The following ANTXRL variants were observed in gnomAD, a reference collection of about 807,000 sequenced individuals.
ANTXRL encodes the protein anthrax toxin receptor-like.
A neutral mutation model predicts 75.4 loss-of-function variants in ANTXRL; 63 were observed. The observed-to-expected ratio is 0.84, with a 90% CI of 0.68 to 1.03. The LOEUF (loss-of-function observed/expected upper bound fraction) is 1.03. Among genes scored for constraint, ANTXRL ranks in the 50% least tolerant of loss-of-function variants. The pLI is 0.00. For missense variants in ANTXRL, 797 were observed against 789.4 expected, an observed-to-expected ratio of 1.01 and a Z score of -0.12; for synonymous variants, 335 against 291.3, an observed-to-expected ratio of 1.15 and a Z score of -1.53.
At position 46,316,520 on chromosome 10, in the gene ANTXRL, G is replaced by A. The variant is rs537175955; in HGVS notation, c.1410+3204G>A. ...TCCTGCAAGGTAGTCACTACTGTCT[G>A]CATTTCAGAGCTGTGGACACCGAAG... On this transcript the variant is annotated intron_variant, in intron 16 of 16. Transcript: ENST00000620264. 8.7e-4 allele frequency among the ~76,000 whole-genome samples: 133 copies of A among 152,156 alleles called. 1 individual carries two copies. In the Middle Eastern group the frequency reaches 0.01, roughly 12 times the overall value.
Position 46,309,181 on chromosome 10 carries a change from C to A in ANTXRL, c.1113C>A (p.Val371=). 6.5e-7 allele frequency: 1 copy of A among 1,529,302 alleles called. No homozygotes were observed. 94.7% of individuals were successfully genotyped at this position (1,529,302 alleles called of 1,614,324 possible). Residue 371 remains valine, a synonymous_variant, in exon 13 of 17, where the codon GTC becomes GTA. Coordinates refer to ENST00000620264, the MANE Select transcript of ANTXRL (RefSeq NM_001278688.3). ...LLLVPLLLCC[V]WRLCRKQTVK... Reference sequence around the variant, plus strand: ...TTGTGCCACTGCTGCTGTGTTGTGTCTGGCGGCTGTGCCGCAAGCAGGCAA... The same window carrying A: ...TTGTGCCACTGCTGCTGTGTTGTGTATGGCGGCTGTGCCGCAAGCAGGCAA...
Position 46,287,013 on chromosome 10 carries a change from G to A in ANTXRL, c.-250G>A. On this transcript the variant is annotated 5_prime_UTR_variant, in exon 1 of 17. Coordinates refer to ENST00000620264, the MANE Select transcript of ANTXRL (RefSeq NM_001278688.3). ...CCTGTCAACCATAACAGAGAATTCT[G>A]TCCCCAGGGTGGGGGAAGGGCCAGG... 1 of 561,038 alleles carries A rather than the reference G, an allele frequency of 1.8e-6. No homozygotes were observed. Among genetic ancestry groups the A allele is most frequent in the East Asian group, 3.0e-5 (1 of 32,930 alleles). The allele number at this position is 561,038 out of a possible 1,614,324, so 34.8% of individuals were successfully genotyped here. A position where few individuals can be genotyped will look rare whatever the true frequency, so the allele number is the denominator to read the frequency against.
intron 9 of ANTXRL, among the ~76,000 whole-genome samples, chr10:46,298,772 T>C (rs1249059058): frequency 8.0e-5 from 12 of 149,932 alleles, no homozygotes; most frequent in African/African-American, 1.2e-4. Context: ...TTGCTATTTA[T>C]GTGTGTGTGT....
chr10:46,295,657 C>T (rs1435487147), intron 3 of ANTXRL, among the ~76,000 whole-genome samples: 12 of 147,758 alleles, frequency 8.1e-5, no homozygotes, highest in Non-Finnish European at 1.5e-4. Flanking sequence ...GGCTGACTCT[C>T]AGTTGCCCAT....
intron 2 of ANTXRL, among the ~76,000 whole-genome samples, chr10:46,292,632 GGAGGGCTGGGA>G (rs1482176462): frequency 6.6e-6 from 1 of 152,158 alleles, no homozygotes; most frequent in African/African-American, 2.4e-5. Context: ...ATTAGCTCAG[GGAGGGCTGGGA>G]GAGGGCTGGG....
At chr10:46,321,121 G>A (rs551616026) in intron 16 of ANTXRL, among the ~76,000 whole-genome samples, 1 of 152,132 alleles carries the variant, frequency 6.6e-6, no homozygotes, top group African/African-American at 2.4e-5. Context: ...CTTTGGGAAC[G>A]TAGACACTGG....
At chr10:46,291,597 A>C (rs538862489) in intron 1 of ANTXRL, among the ~76,000 whole-genome samples, 19 of 152,258 alleles carry the variant, frequency 1.2e-4, no homozygotes, top group Non-Finnish European at 1.8e-4. Flanking sequence ...GCAATGTTCT[A>C]TAGTTTTCAG....
chr10:46,303,410 T>C (rs1837877145), intron 10 of ANTXRL, among the ~76,000 whole-genome samples: 1 of 152,186 alleles, frequency 6.6e-6, no homozygotes, highest in East Asian at 1.9e-4. Flanking sequence ...CTATGTATCC[T>C]TTAACTGAAA....
chr10:46,295,876 A>C, intron 3 of ANTXRL, 143 bp from the exon 4 acceptor site: 5 of 709,342 alleles, frequency 7.0e-6, no homozygotes, highest in Non-Finnish European at 9.8e-6. Context: ...ACAATGAGGA[A>C]TGAGGAGGAC....
chr10:46,321,917 A>T (rs1554965663), intron 16 of ANTXRL, among the ~76,000 whole-genome samples: 2 of 152,074 alleles, frequency 1.3e-5, no homozygotes, highest in Non-Finnish European at 2.9e-5. Flanking sequence ...GAGTTTTAAG[A>T]TGTCATTTGT....
Position 46,297,489 on chromosome 10 carries a change from G to A in ANTXRL, c.654+15G>A, listed in dbSNP as rs1455358658. ...ATCTGGATCAGGTAATTCCAAGCAG[G>A]TAACCAGGCGCCACTTTCAAGCCTA... On this transcript the variant is annotated intron_variant, in intron 7 of 16. Coordinates refer to ENST00000620264, the MANE Select transcript of ANTXRL (RefSeq NM_001278688.3). 6.5e-7 allele frequency: 1 copy of A among 1,534,678 alleles called. No individual in the cohort carries two copies. Among genetic ancestry groups the A allele is most frequent in the African/African-American group, 1.4e-5 (1 of 72,972 alleles).
intron 16 of ANTXRL, among the ~76,000 whole-genome samples, chr10:46,320,371 C>A (rs1348281560): frequency 6.6e-6 from 1 of 152,098 alleles, no homozygotes; most frequent in Non-Finnish European, 1.5e-5. Flanking sequence ...CTCTACTGAC[C>A]CAATATAGGC....
chr10:46,289,777 A>G (rs1836907748), intron 1 of ANTXRL, among the ~76,000 whole-genome samples: 1 of 152,162 alleles, frequency 6.6e-6, no homozygotes, highest in South Asian at 2.1e-4. Flanking sequence ...CCATTAAACA[A>G]TAACTCCCCA....
intron 16 of ANTXRL, among the ~76,000 whole-genome samples, chr10:46,321,015 T>C (rs1044707103): frequency 6.6e-6 from 1 of 152,122 alleles, no homozygotes; most frequent in African/African-American, 2.4e-5. Flanking sequence ...AATGTTAGAG[T>C]GTTGTTTCTA....
At chr10:46,292,445 T>C (rs1280724354) in intron 2 of ANTXRL, among the ~76,000 whole-genome samples, 6 of 152,042 alleles carry the variant, frequency 3.9e-5, no homozygotes, top group Non-Finnish European at 8.8e-5. Flanking sequence ...TCCGAGTTGC[T>C]GAGGGTTCAA....
intron 9 of ANTXRL, among the ~76,000 whole-genome samples, chr10:46,300,190 C>T (rs1336055528): frequency 1.3e-5 from 2 of 152,210 alleles, no homozygotes; most frequent in African/African-American, 2.4e-5. Context: ...CCGGCAGTCA[C>T]AGCCCTGATC....
chr10:46,315,022 C>T (rs1418279095), intron 16 of ANTXRL, among the ~76,000 whole-genome samples: 2 of 152,164 alleles, frequency 1.3e-5, no homozygotes, highest in African/African-American at 4.8e-5. Flanking sequence ...TGTCGGATAC[C>T]CAAGAATTCA....
intron 13 of ANTXRL, among the ~76,000 whole-genome samples, chr10:46,310,055 C>T (rs1554963033): frequency 6.6e-6 from 1 of 152,142 alleles, no homozygotes; most frequent in Non-Finnish European, 1.5e-5. Flanking sequence ...GGGAGGAAGC[C>T]CGGGACTCAG....
chr10:46,308,431 T>TCCCCCCCCCCCCCCCCCCCCCCCC, intron 12 of ANTXRL: 1 of 175,570 alleles, frequency 5.7e-6, no homozygotes, highest in Non-Finnish European at 1.2e-5. Flanking sequence ...TCCCCTCCTC[T>TCCCCCCCCCCCCCCCCCCCCCCCC]CCACTCCCCT....
Sources: gnomAD v4.1 joint callset for allele counts (sites outside exome capture counted in the v4.1 genomes callset) on GRCh38, gnomAD v4.1.1 for gene constraint, MANE v1.5 for transcripts, NCBI Gene and HGNC (gene_info 2026-07-23, HGNC 2026-07-21) for gene names.